Variants in FLRT2 observed in about 807,000 individuals in gnomAD.
FLRT2 encodes the protein fibronectin leucine rich transmembrane protein 2.
FLRT2 carries 15 observed loss-of-function variants against 40.0 expected under a neutral mutation model. The observed-to-expected ratio is 0.38, with a 90% CI of 0.25 to 0.58. The LOEUF (loss-of-function observed/expected upper bound fraction) is 0.58, where lower values mean the gene tolerates loss of function less well. FLRT2 is among the 20% of genes least tolerant of loss of function. The pLI, the probability that FLRT2 is intolerant of heterozygous loss-of-function variation, is 0.71. For synonymous variants in FLRT2, 380 were observed against 336.8 expected (o/e 1.13, Z -1.41); for missense variants, 726 against 840.0 (o/e 0.86, Z 1.68).
chr14:85,643,347 C>CT lies in FLRT2; in HGVS notation c.*19853dup, dbSNP rs1467325466. 8 of 79,172 alleles carry CT rather than the reference C, an allele frequency of 1.0e-4. No individual in the cohort carries two copies. Among genetic ancestry groups the CT allele is most frequent in the African/African-American group, 3.7e-4 (8 of 21,652 alleles). 4.9% of individuals were successfully genotyped at this position (79,172 alleles called of 1,614,324 possible). The stretch of plus-strand genomic sequence containing the variant: ...TCTTTCTTTCTTTCTTTCTTTCTTT[C>CT]TTTCTTTCTTCCTTCCTTCCTTCCT... On this transcript the variant is annotated 3_prime_UTR_variant, in exon 2 of 2. Coordinates refer to ENST00000330753, the MANE Select transcript of FLRT2 (RefSeq NM_013231.6).
Position 85,622,464 on chromosome 14 carries a change from G to A in FLRT2, c.950G>A (p.Ser317Asn), listed in dbSNP as rs1238642469. Reference sequence around the variant, plus strand: ...AATAACCCTTGGTTTTGTGACTGCAGTATTAAATGGGTCACAGAATGGCTC... The same window carrying A: ...AATAACCCTTGGTTTTGTGACTGCAATATTAAATGGGTCACAGAATGGCTC... Reference protein sequence around the residue: ...ARNNPWFCDCSIKWVTEWLKY... With the variant: ...ARNNPWFCDCNIKWVTEWLKY... The change falls in exon 2 of 2, where the codon AGT becomes AAT. Residue 317 changes from serine to asparagine, a missense_variant. Transcript: ENST00000330753. 7 of 1,614,042 alleles carry A rather than the reference G, an allele frequency of 4.3e-6. No homozygotes were observed. The Admixed American group carries it at 6.7e-5, about 15-fold the overall frequency.
chr14:85,566,549 T>TTTGTGTGTGTGTG (rs1555366636), intron 1 of FLRT2, among the ~76,000 whole-genome samples: 1 of 130,826 alleles, frequency 7.6e-6, no homozygotes, highest in Non-Finnish European at 1.7e-5. Flanking sequence ...ACTTCCATGG[T>TTTGTGTGTGTGTG]TGTGTGTGTG....
chr14:85,609,861 C>T (rs1416490097), intron 1 of FLRT2, among the ~76,000 whole-genome samples: 1 of 152,172 alleles, frequency 6.6e-6, no homozygotes, highest in African/African-American at 2.4e-5. Context: ...TCACTAAAAG[C>T]CACTTTTTCA....
intron 1 of FLRT2, among the ~76,000 whole-genome samples, chr14:85,546,881 C>T (rs1325088982): frequency 6.6e-6 from 1 of 152,146 alleles, no homozygotes; most frequent in African/African-American, 2.4e-5. Context: ...GCTGAATTAA[C>T]ATTTCTTTAT....
chr14:85,566,898 G>T (rs1249819857), intron 1 of FLRT2, among the ~76,000 whole-genome samples: 2 of 152,092 alleles, frequency 1.3e-5, no homozygotes, highest in African/African-American at 4.8e-5. Flanking sequence ...GTTTCTGCCA[G>T]ATGAAGAGTA....
Position 85,633,826 on chromosome 14 carries a change from C to T in FLRT2, c.*10329C>T, listed in dbSNP as rs1026783449. The T allele has an allele frequency of 6.6e-6, 1 of 151,362 alleles. No homozygotes were observed. Among genetic ancestry groups the T allele is most frequent in the Non-Finnish European group, 1.5e-5 (1 of 67,870 alleles). The allele number at this position is 151,362 out of a possible 1,614,324, so 9.4% of individuals were successfully genotyped here. The stretch of plus-strand genomic sequence containing the variant: ...AAAAAAAAAAAAAAGTAATAAATTT[C>T]TGATATTGTTTCAAAAATCTATAAT... On this transcript the variant is annotated 3_prime_UTR_variant, in exon 2 of 2. Transcript: ENST00000330753.
intron 1 of FLRT2, among the ~76,000 whole-genome samples, chr14:85,571,861 A>G (rs1309052993): frequency 1.3e-5 from 2 of 152,230 alleles, no homozygotes; most frequent in African/African-American, 4.8e-5. Context: ...TAGAAAGGTG[A>G]ACATGTGTGT....
At position 85,630,897 on chromosome 14, in the gene FLRT2, C is replaced by G. The variant is rs1893850448; in HGVS notation, c.*7400C>G. 1 of 151,730 alleles carries G rather than the reference C, an allele frequency of 6.6e-6. No homozygotes were observed. 9.4% of individuals were successfully genotyped at this position (151,730 alleles called of 1,614,324 possible). A position where few individuals can be genotyped will look rare whatever the true frequency, so the allele number is the denominator to read the frequency against. On this transcript the variant is annotated 3_prime_UTR_variant, in exon 2 of 2. Coordinates refer to ENST00000330753, the MANE Select transcript of FLRT2 (RefSeq NM_013231.6). The stretch of plus-strand genomic sequence containing the variant: ...TTAGCCTTTCCAACACATTGAAGGA[C>G]AAAGGGTAATCATAATCTATAAGGA...
In FLRT2 at chr14:85,644,062, T is replaced by C. The variant is rs536563608; in HGVS notation, c.*20565T>C. ...TGAAGCCAGACTAATTATCACAATG[T>C]AGTATCATTAACACTCACACAATTC... On this transcript the variant is annotated 3_prime_UTR_variant, in exon 2 of 2. Coordinates refer to ENST00000330753, the MANE Select transcript of FLRT2 (RefSeq NM_013231.6). 1 of 152,324 alleles carries C rather than the reference T, an allele frequency of 6.6e-6. No homozygotes were observed. Among genetic ancestry groups the C allele is most frequent in the East Asian group, 1.9e-4 (1 of 5,186 alleles). 9.4% of individuals were successfully genotyped at this position (152,324 alleles called of 1,614,324 possible). A position where few individuals can be genotyped will look rare whatever the true frequency, so the allele number is the denominator to read the frequency against.
Position 85,624,008 on chromosome 14 carries a change from A to G in FLRT2, c.*511A>G, listed in dbSNP as rs1465004783. 1 of 167,180 alleles carries G rather than the reference A, an allele frequency of 6.0e-6. No individual in the cohort carries two copies. Among genetic ancestry groups the G allele is most frequent in the Non-Finnish European group, 1.5e-5 (1 of 68,192 alleles). 10.4% of individuals were successfully genotyped at this position (167,180 alleles called of 1,614,324 possible). ...CAGGTAAAAAATTCTATAATGTAAG[A>G]ATGGAGGTAGTTACCCTGATTTGAC... On this transcript the variant is annotated 3_prime_UTR_variant, in exon 2 of 2. Coordinates refer to ENST00000330753, the MANE Select transcript of FLRT2 (RefSeq NM_013231.6).
Position 85,652,782 on chromosome 14 carries a change from A to G in FLRT2, c.*29285A>G, listed in dbSNP as rs1894464526. On this transcript the variant is annotated 3_prime_UTR_variant, in exon 2 of 2. Coordinates refer to ENST00000330753, the MANE Select transcript of FLRT2 (RefSeq NM_013231.6). Reference sequence around the variant, plus strand: ...ATTTATAAGAATCCAGAAATTATCAATGAGTTTTCTTTTTCTATTATTTAA... The same window carrying G: ...ATTTATAAGAATCCAGAAATTATCAGTGAGTTTTCTTTTTCTATTATTTAA... 6.6e-6 allele frequency: 1 copy of G among 152,040 alleles called. No homozygotes were observed. Among genetic ancestry groups the G allele is most frequent in the Admixed American group, 6.6e-5 (1 of 15,234 alleles). The allele number at this position is 152,040 out of a possible 1,614,324, so 9.4% of individuals were successfully genotyped here. A position where few individuals can be genotyped will look rare whatever the true frequency, so the allele number is the denominator to read the frequency against.
In FLRT2 at chr14:85,633,280, C is replaced by T. The variant is rs1225805805; in HGVS notation, c.*9783C>T. 6.6e-6 allele frequency: 1 copy of T among 152,130 alleles called. No homozygotes were observed. Among genetic ancestry groups the T allele is most frequent in the Non-Finnish European group, 1.5e-5 (1 of 68,020 alleles). The allele number at this position is 152,130 out of a possible 1,614,324, so 9.4% of individuals were successfully genotyped here. On this transcript the variant is annotated 3_prime_UTR_variant, in exon 2 of 2. Coordinates refer to ENST00000330753, the MANE Select transcript of FLRT2 (RefSeq NM_013231.6). ...GGGAAGATGAGGTGCCATGGGATAA[C>T]ACACAACCATGGCAGGCCTTTTTTC...
rs1555373234 is a variant in FLRT2 at position 85,636,398 on chromosome 14, A to AAAG, written c.*12903_*12904insGAA. The AAAG allele has an allele frequency of 1.4e-5, 2 of 145,308 alleles. No individual in the cohort carries two copies. Among genetic ancestry groups the AAAG allele is most frequent in the East Asian group, 3.9e-4 (2 of 5,128 alleles). The allele number at this position is 145,308 out of a possible 1,614,324, so 9.0% of individuals were successfully genotyped here. A position where few individuals can be genotyped will look rare whatever the true frequency, so the allele number is the denominator to read the frequency against. On this transcript the variant is annotated 3_prime_UTR_variant, in exon 2 of 2. Coordinates refer to ENST00000330753, the MANE Select transcript of FLRT2 (RefSeq NM_013231.6). The stretch of plus-strand genomic sequence containing the variant: ...AGGTGAAGTCACCTGCAGAAAAAAA[A>AAAG]AAAAAAAAAACAAAAAACATTCTTA...
At chr14:85,569,946 G>T (rs904386525) in intron 1 of FLRT2, among the ~76,000 whole-genome samples, 6 of 152,130 alleles carry the variant, frequency 3.9e-5, no homozygotes, top group African/African-American at 7.2e-5. Flanking sequence ...TGTTGGTATG[G>T]CCATTTTGTC....
intron 1 of FLRT2, among the ~76,000 whole-genome samples, chr14:85,619,335 T>G (rs927816787): frequency 4.6e-5 from 7 of 152,102 alleles, no homozygotes; most frequent in Non-Finnish European, 1.0e-4. Flanking sequence ...TATGCCTGCC[T>G]CAGCCTCCCA....
In FLRT2 at chr14:85,649,951, A is replaced by G. The variant is rs1228771673; in HGVS notation, c.*26454A>G. Reference sequence around the variant, plus strand: ...ATTTTTTATTAGAAAATATTTTAATAACACAAGAAAGTAAAGAAAGTAATA... The same window carrying G: ...ATTTTTTATTAGAAAATATTTTAATGACACAAGAAAGTAAAGAAAGTAATA... On this transcript the variant is annotated 3_prime_UTR_variant, in exon 2 of 2. Transcript: ENST00000330753. The G allele has an allele frequency of 3.9e-5, 6 of 152,082 alleles. No homozygotes were observed. The highest frequency in any genetic ancestry group is 6.6e-5 in the Admixed American group (1 of 15,242). 9.4% of individuals were successfully genotyped at this position (152,082 alleles called of 1,614,324 possible).
chr14:85,614,353 A>C (rs2139357698), intron 1 of FLRT2, among the ~76,000 whole-genome samples: 1 of 142,386 alleles, frequency 7.0e-6, no homozygotes, highest in South Asian at 2.3e-4. Flanking sequence ...TCCTAAGCAC[A>C]GCTGATTATC....
At chr14:85,582,209 G>A (rs1376420955) in intron 1 of FLRT2, among the ~76,000 whole-genome samples, 1 of 152,084 alleles carries the variant, frequency 6.6e-6, no homozygotes, top group Admixed American at 6.6e-5. Flanking sequence ...AGCCATATGA[G>A]CATTATTCTG....
intron 1 of FLRT2, among the ~76,000 whole-genome samples, chr14:85,611,899 A>AGCGCGC (rs140527571): frequency 1.1e-4 from 14 of 126,786 alleles, no homozygotes; most frequent in African/African-American, 3.0e-4. Flanking sequence ...AGAGAGAGAG[A>AGCGCGC]GCGCGCGTGC....
Sources: allele counts gnomAD v4.1 joint callset (sites outside exome capture counted in the v4.1 genomes callset), GRCh38; gene constraint gnomAD v4.1.1; transcripts MANE v1.5; gene names NCBI Gene and HGNC (gene_info 2026-07-23, HGNC 2026-07-21).